Variants in GOLGA8B observed in about 807,000 individuals in gnomAD.
The protein encoded by GOLGA8B is golgin A8 family member B, also known as golgin subfamily A member 8B.
In GOLGA8B, 1 loss-of-function variant was observed where a neutral mutation model predicts 15.6. That is an observed-to-expected ratio of 0.06 (90% CI 0.02 to 0.30). The LOEUF (loss-of-function observed/expected upper bound fraction) is 0.30. Ranked by LOEUF, GOLGA8B falls within the 10% of genes least tolerant of loss-of-function variation. The pLI is 1.00. For synonymous variants in GOLGA8B, 9 were observed against 80.3 expected (o/e 0.11, Z 4.75); for missense variants, 17 against 201.3 (o/e 0.08, Z 5.54).
intron 1 of GOLGA8B, among the ~76,000 whole-genome samples, chr15:34,567,709 C>A (rs1366735242): frequency 1.3e-5 from 2 of 151,886 alleles, no homozygotes; most frequent in African/African-American, 4.9e-5. Context: ...AAATGACGCA[C>A]ACGGGCAGAT....
intron 1 of GOLGA8B, among the ~76,000 whole-genome samples, chr15:34,580,181 G>T (rs1407344523): frequency 6.6e-6 from 1 of 152,222 alleles, no homozygotes; most frequent in African/African-American, 2.4e-5. Context: ...CTCCGGGATG[G>T]ACATGGGCCA....
Position 34,573,453 on chromosome 15 carries a change from CGTGAACCCAGGAG to C in GOLGA8B, c.-1123+10050_-1123+10062del, listed in dbSNP as rs1277411398. Among the ~76,000 whole-genome samples the C allele has an allele frequency of 2.8e-5, 4 of 144,852 alleles. No individual in the cohort carries two copies. In the East Asian group the frequency reaches 8.5e-4, roughly 31 times the overall value. Reference sequence around the variant, plus strand: ...TCGGGAGGCTGAGGAAGGAGAATGGCGTGAACCCAGGAGGTGGAGCTTACAGTAAGCCGAGATT... The same window carrying C: ...TCGGGAGGCTGAGGAAGGAGAATGGCGTGGAGCTTACAGTAAGCCGAGATT... On this transcript the variant is annotated intron_variant, in intron 1 of 23. Coordinates refer to ENST00000683415, the MANE Select transcript of GOLGA8B (RefSeq NM_001023567.5).
At chr15:34,554,420 C>T (rs1425408717) in intron 1 of GOLGA8B, among the ~76,000 whole-genome samples, 7 of 147,378 alleles carry the variant, frequency 4.7e-5, no homozygotes, top group African/African-American at 1.5e-4. Flanking sequence ...ACCCCATACA[C>T]ACCACACACC....
At chr15:34,557,646 G>GTGTGTA (rs1888526542) in intron 1 of GOLGA8B, among the ~76,000 whole-genome samples, 1 of 72,252 alleles carries the variant, frequency 1.4e-5, no homozygotes, top group African/African-American at 4.6e-5. Context: ...ATTCATGAAT[G>GTGTGTA]TGTGTGTGTG....
In GOLGA8B at chr15:34,532,877, AT is replaced by A; in HGVS notation, c.253del (p.Ile85SerfsTer4). 8.3e-7 allele frequency: 1 copy of A among 1,200,188 alleles called. No individual in the cohort carries two copies. Among genetic ancestry groups the A allele is most frequent in the East Asian group, 3.2e-5 (1 of 31,216 alleles). 74.3% of individuals were successfully genotyped at this position (1,200,188 alleles called of 1,614,324 possible). On this transcript the variant is annotated frameshift_variant, in exon 11 of 24. Coordinates refer to ENST00000683415, the MANE Select transcript of GOLGA8B (RefSeq NM_001023567.5). LOFTEE classifies it high-confidence loss of function. Reference protein sequence around the residue: ...AAVLNSRSIKISRLNDTIKSL... With the variant: ...AAVLNSRSIKXSRLNDTIKSL... ...TTTGATGGTGTCATTCAGTCGACTG[AT>A]TTTTATGGACCTCGAGTTCAGGACT...
intron 1 of GOLGA8B, among the ~76,000 whole-genome samples, chr15:34,582,189 G>C (rs1274031590): frequency 1.3e-5 from 2 of 152,138 alleles, no homozygotes; most frequent in Non-Finnish European, 2.9e-5. Context: ...CCCCTGCGTA[G>C]TGGCCACACC....
rs1225032581 is a variant in GOLGA8B, at chr15:34,525,906, C to T, written c.*1726G>A. ...ATGGTCTAGTAACTAGAAAACTCCC[C>T]ACCCCAGGGAGCACACATACATATC... On this transcript the variant is annotated 3_prime_UTR_variant, in exon 24 of 24. Coordinates refer to ENST00000683415, the MANE Select transcript of GOLGA8B (RefSeq NM_001023567.5). 4.7e-5 allele frequency: 7 copies of T among 148,916 alleles called. No individual in the cohort carries two copies. Among genetic ancestry groups the T allele is most frequent in the Non-Finnish European group, 1.0e-4 (7 of 67,020 alleles). 9.2% of individuals were successfully genotyped at this position (148,916 alleles called of 1,614,324 possible).
At position 34,525,720 on chromosome 15, in the gene GOLGA8B, C is replaced by A. The variant is rs1411496404; in HGVS notation, c.*1912G>T. On this transcript the variant is annotated 3_prime_UTR_variant, in exon 24 of 24. Transcript: ENST00000683415. ...TATCTAATACATTGATAAATTCATA[C>A]AATTCGGAAGAGTCAGTTGAAGTCA... 1.3e-5 allele frequency: 2 copies of A among 149,798 alleles called. No individual in the cohort carries two copies. The highest frequency in any genetic ancestry group is 6.8e-5 in the Admixed American group (1 of 14,782). 9.3% of individuals were successfully genotyped at this position (149,798 alleles called of 1,614,324 possible). A position where few individuals can be genotyped will look rare whatever the true frequency, so the allele number is the denominator to read the frequency against.
At position 34,525,145 on chromosome 15, in the gene GOLGA8B, C is replaced by T. The variant is rs1894416798; in HGVS notation, c.*2487G>A. 1 of 149,662 alleles carries T rather than the reference C, an allele frequency of 6.7e-6. No individual in the cohort carries two copies. Among genetic ancestry groups the T allele is most frequent in the African/African-American group, 2.5e-5 (1 of 40,456 alleles). The allele number at this position is 149,662 out of a possible 1,614,324, so 9.3% of individuals were successfully genotyped here. On this transcript the variant is annotated 3_prime_UTR_variant, in exon 24 of 24. Transcript: ENST00000683415. ...TTTGTGTTCTTTTAATAAACACTTG[C>T]ATAGTTATACTACAATTTTGTGAAA...
intron 1 of GOLGA8B, among the ~76,000 whole-genome samples, chr15:34,574,129 G>C (rs190515059): frequency 6.6e-6 from 1 of 151,980 alleles, no homozygotes; most frequent in Non-Finnish European, 1.5e-5. Context: ...CCCACTGCCC[G>C]GTGTGTCATG....
intron 1 of GOLGA8B, among the ~76,000 whole-genome samples, chr15:34,569,970 G>A (rs2140350276): frequency 6.6e-6 from 1 of 152,306 alleles, no homozygotes; most frequent in Admixed American, 6.5e-5. Context: ...CAGTCAGGGT[G>A]GGGGCTCCCC....
rs1888049732 is a variant in GOLGA8B, at chr15:34,526,142, C to T, written c.*1490G>A. 6.7e-6 allele frequency: 1 copy of T among 149,932 alleles called. No homozygotes were observed. The highest frequency in any genetic ancestry group is 6.8e-5 in the Admixed American group (1 of 14,770). 9.3% of individuals were successfully genotyped at this position (149,932 alleles called of 1,614,324 possible). On this transcript the variant is annotated 3_prime_UTR_variant, in exon 24 of 24. Coordinates refer to ENST00000683415, the MANE Select transcript of GOLGA8B (RefSeq NM_001023567.5). ...AACTGAGAGGTACAAAAACATATTTCACTCTTCGTAAAGAAGTTTGTGAGG... is the reference window on the plus strand; with the variant it reads ...AACTGAGAGGTACAAAAACATATTTTACTCTTCGTAAAGAAGTTTGTGAGG...
chr15:34,574,612 A>T (rs147263282), intron 1 of GOLGA8B, among the ~76,000 whole-genome samples: 142 of 152,178 alleles, frequency 9.3e-4, no homozygotes, highest in Non-Finnish European at 1.1e-3. Context: ...CCTTCAAATC[A>T]GATTTCTAAG....
intron 1 of GOLGA8B, 105 bp downstream of exon 1, chr15:34,583,411 T>A (rs373888679): frequency 6.6e-6 from 1 of 151,524 alleles, no homozygotes; most frequent in East Asian, 2.0e-4. Flanking sequence ...GCTCTTGGCC[T>A]GCAGCTTCCG....
chr15:34,572,996 T>A (rs1888963005), intron 1 of GOLGA8B, among the ~76,000 whole-genome samples: 1 of 152,158 alleles, frequency 6.6e-6, no homozygotes, highest in Non-Finnish European at 1.5e-5. Context: ...GTACCTGTAG[T>A]CCCAGCTACT....
Position 34,525,569 on chromosome 15 carries a change from A to T in GOLGA8B, c.*2063T>A, listed in dbSNP as rs1377774513. ...ACATAAAGATAGCAGTTACACTTTTAAATATTTATATTATTTTAAAATGAC... is the reference window on the plus strand; with the variant it reads ...ACATAAAGATAGCAGTTACACTTTTTAATATTTATATTATTTTAAAATGAC... On this transcript the variant is annotated 3_prime_UTR_variant, in exon 24 of 24. Transcript: ENST00000683415. 6.7e-6 allele frequency: 1 copy of T among 149,938 alleles called. No homozygotes were observed. The highest frequency in any genetic ancestry group is 2.5e-5 in the African/African-American group (1 of 40,560). The allele number at this position is 149,938 out of a possible 1,614,324, so 9.3% of individuals were successfully genotyped here. A position where few individuals can be genotyped will look rare whatever the true frequency, so the allele number is the denominator to read the frequency against.
In GOLGA8B at chr15:34,525,946, T is replaced by C. The variant is rs1894431215; in HGVS notation, c.*1686A>G. On this transcript the variant is annotated 3_prime_UTR_variant, in exon 24 of 24. Transcript: ENST00000683415. ...ACATACATATCTCCCTACAACCTAA[T>C]AATGTGATGTGTTTTGGAACACAGA... 1 of 149,204 alleles carries C rather than the reference T, an allele frequency of 6.7e-6. No homozygotes were observed. The highest frequency in any genetic ancestry group is 2.5e-5 in the African/African-American group (1 of 40,342). 9.2% of individuals were successfully genotyped at this position (149,204 alleles called of 1,614,324 possible).
At chr15:34,573,612 G>A (rs1257696231) in intron 1 of GOLGA8B, among the ~76,000 whole-genome samples, 3 of 149,846 alleles carry the variant, frequency 2.0e-5, no homozygotes, top group South Asian at 2.1e-4. Context: ...GAAAATAATC[G>A]AGTCCGTTTT....
At chr15:34,571,237 C>A (rs1036707893) in intron 1 of GOLGA8B, among the ~76,000 whole-genome samples, 1 of 151,962 alleles carries the variant, frequency 6.6e-6, no homozygotes, top group Non-Finnish European at 1.5e-5. Flanking sequence ...CACTTGAGAC[C>A]AGGAAGTCAA....
Sources: allele counts gnomAD v4.1 joint callset (sites outside exome capture counted in the v4.1 genomes callset), GRCh38; gene constraint gnomAD v4.1.1; transcripts MANE v1.5; gene names NCBI Gene and HGNC (gene_info 2026-07-23, HGNC 2026-07-21).